The following MYO1F variants were observed in gnomAD, a reference collection of about 807,000 sequenced individuals.
MYO1F encodes the protein unconventional myosin-If.
Under a neutral mutation model 146.6 loss-of-function variants are expected in MYO1F, and 60 were observed. The ratio of observed to expected loss-of-function variants is 0.41; its 90% CI spans 0.33 to 0.51. MYO1F has a LOEUF of 0.51. MYO1F is among the 20% of genes least tolerant of loss of function. The probability of loss-of-function intolerance (pLI) is 0.25; values close to 1 mark genes in which losing one functional copy is unlikely to be tolerated. For missense variants in MYO1F, 1,274 were observed against 1,534.3 expected (o/e 0.83, Z 2.83); for synonymous variants, 602 against 602.1 (o/e 1.00, Z 0.00).
Position 8,526,443 on chromosome 19 carries a change from G to T in MYO1F, c.2770+10C>A. 6.4e-7 allele frequency: 1 copy of T among 1,552,740 alleles called. No homozygotes were observed. The highest frequency in any genetic ancestry group is 2.4e-5 in the East Asian group (1 of 41,486). On this transcript the variant is annotated intron_variant, in intron 24 of 27. Transcript: ENST00000644032. Reference sequence around the variant, plus strand: ...CCCGCCCCCTCTGCCCTAGTTCCGCGCAGACTCACTGGAGCTCTTGGGCAG... The same window carrying T: ...CCCGCCCCCTCTGCCCTAGTTCCGCTCAGACTCACTGGAGCTCTTGGGCAG...
intron 16 of MYO1F, among the ~76,000 whole-genome samples, chr19:8,537,921 CTG>C (rs941244145): frequency 6.7e-6 from 1 of 150,358 alleles, no homozygotes; most frequent in African/African-American, 2.4e-5. Context: ...GGTAGGGAAA[CTG>C]TGTGTATGCC....
intron 4 of MYO1F, 28 bp downstream of exon 4, chr19:8,554,449 G>A (rs369292088): frequency 6.4e-7 from 1 of 1,567,074 alleles, no homozygotes; most frequent in South Asian, 1.1e-5. Flanking sequence ...GGGCAGCAGG[G>A]TCTGTGGCCC....
At chr19:8,527,254 AGGGTAACAGACG>A in intron 22 of MYO1F, 72 bp downstream of exon 22, 2 of 1,576,106 alleles carry the variant, frequency 1.3e-6, no homozygotes, top group South Asian at 2.2e-5. Flanking sequence ...TAAGATTGTC[AGGGTAACAGACG>A]GGGTCACTAG....
Position 8,521,441 on chromosome 19 carries a change from G to C in MYO1F, c.*87C>G. ...TTAGGCTATTGCAGCCCAGGTAAAC[G>C]AGGCTCTCATTGGCAGGGCCTGGCT... On this transcript the variant is annotated 3_prime_UTR_variant, in exon 28 of 28. Transcript: ENST00000644032. 7.1e-7 allele frequency: 1 copy of C among 1,406,624 alleles called. No homozygotes were observed. The highest frequency in any genetic ancestry group is 1.0e-6 in the Non-Finnish European group (1 of 999,142). The allele number at this position is 1,406,624 out of a possible 1,614,324, so 87.1% of individuals were successfully genotyped here.
chr19:8,536,221 C>G, intron 19 of MYO1F, 31 bp downstream of exon 19: 1 of 1,600,834 alleles, frequency 6.2e-7, no homozygotes, highest in Non-Finnish European at 8.5e-7. Flanking sequence ...CTTCCCCTCT[C>G]CTTCTCTGCC....
At chr19:8,526,736 G>T in intron 23 of MYO1F, 53 bp downstream of exon 23, 2 of 1,550,072 alleles carry the variant, frequency 1.3e-6, no homozygotes, top group Non-Finnish European at 1.7e-6. Context: ...GCGGGAGAGG[G>T]TGCGCCGCGC....
Position 8,526,524 on chromosome 19 carries a change from T to G in MYO1F, c.2699A>C (p.Asp900Ala). 6.3e-7 allele frequency: 1 copy of G among 1,586,344 alleles called. No individual in the cohort carries two copies. Among genetic ancestry groups the G allele is most frequent in the Non-Finnish European group, 8.6e-7 (1 of 1,168,150 alleles). Reference sequence around the variant, plus strand: ...ACCGCCAACCTTGAGCACTGCCAAGTCGCCGAAGCCGCGGGAGAAGGTGAC... The same window carrying G: ...ACCGCCAACCTTGAGCACTGCCAAGGCGCCGAAGCCGCGGGAGAAGGTGAC... ...RSVTFSRGFG[D>A]LAVLKVGGRT... The change falls in exon 24 of 28, where the codon GAC becomes GCC. Residue 900 changes from aspartate (D) to alanine (A), a missense_variant. Transcript: ENST00000644032.
intron 1 of MYO1F, among the ~76,000 whole-genome samples, chr19:8,565,859 TG>T (rs535947077): frequency 2.2e-3 from 340 of 151,442 alleles, no homozygotes; most frequent in Non-Finnish European, 3.6e-3. Flanking sequence ...GAGGCTGAGG[TG>T]GAAGGATCAC....
intron 1 of MYO1F, among the ~76,000 whole-genome samples, chr19:8,565,069 G>A (rs938102402): frequency 3.9e-5 from 6 of 151,964 alleles, no homozygotes; most frequent in Non-Finnish European, 7.4e-5. Flanking sequence ...CACTGTGTCC[G>A]GCCAGAGACA....
rs1021468321 is a variant in MYO1F, at chr19:8,527,080, A to T, written c.2475-145T>A. 2.6e-6 allele frequency: 3 copies of T among 1,172,222 alleles called. No individual in the cohort carries two copies. In the African/African-American group the frequency reaches 4.6e-5, roughly 18 times the overall value. The allele number at this position is 1,172,222 out of a possible 1,614,324, so 72.6% of individuals were successfully genotyped here. Reference sequence around the variant, plus strand: ...GTGACCAGGTAGGAGAAAAAGGGGGATGTGGCAAGGAGTGGAAGAGGTGGT... The same window carrying T: ...GTGACCAGGTAGGAGAAAAAGGGGGTTGTGGCAAGGAGTGGAAGAGGTGGT... On this transcript the variant is annotated intron_variant, in intron 22 of 27. Coordinates refer to ENST00000644032, the MANE Select transcript of MYO1F (RefSeq NM_012335.4).
intron 1 of MYO1F, among the ~76,000 whole-genome samples, chr19:8,568,517 C>T (rs186789321): frequency 7.3e-5 from 11 of 149,978 alleles, no homozygotes; most frequent in African/African-American, 4.9e-5. Context: ...GGAGGATAGT[C>T]GAGAATTTTG....
In MYO1F at chr19:8,536,004, G is replaced by A. The variant is rs968145858; in HGVS notation, c.2043+248C>T. Among the ~76,000 whole-genome samples, 1 of 151,710 alleles carries A rather than the reference G, an allele frequency of 6.6e-6. No individual in the cohort carries two copies. Among genetic ancestry groups the A allele is most frequent in the African/African-American group, 2.4e-5 (1 of 41,286 alleles). ...CAGTCGCAGTCTTTCTTAATCTCTC[G>A]CTCAGTCTCTCTCAGTCTCTTACTT... On this transcript the variant is annotated intron_variant, in intron 19 of 27. Transcript: ENST00000644032.
At chr19:8,562,430 C>T (rs745628377) in intron 1 of MYO1F, among the ~76,000 whole-genome samples, 1 of 152,162 alleles carries the variant, frequency 6.6e-6, no homozygotes, top group Non-Finnish European at 1.5e-5. Flanking sequence ...GCCTTGACCT[C>T]CTGAGTAGCT....
At chr19:8,553,562 T>C in intron 4 of MYO1F, 125 bp from the exon 5 acceptor site, 1 of 770,212 alleles carries the variant, frequency 1.3e-6, no homozygotes, top group Non-Finnish European at 2.2e-6. Context: ...GATACTGTAA[T>C]GAACAAGACA....
chr19:8,550,394 G>T (rs764990269), intron 9 of MYO1F, 38 bp from the exon 10 acceptor site: 4 of 1,594,154 alleles, frequency 2.5e-6, no homozygotes, highest in East Asian at 2.3e-5. Flanking sequence ...TGGGACAGTT[G>T]GTTGGGCTCT....
chr19:8,567,653 A>G (rs1221749754), intron 1 of MYO1F, among the ~76,000 whole-genome samples: 1 of 152,192 alleles, frequency 6.6e-6, no homozygotes, highest in Non-Finnish European at 1.5e-5. Flanking sequence ...CACCGCACCC[A>G]TCCTGGGTCC....
intron 21 of MYO1F, among the ~76,000 whole-genome samples, chr19:8,528,852 A>T (rs999711716): frequency 6.6e-6 from 1 of 151,996 alleles, no homozygotes; most frequent in African/African-American, 2.4e-5. Context: ...GTGTATCTGA[A>T]CTCTATGAGT....
Position 8,521,522 on chromosome 19 carries a change from C to G in MYO1F, c.*6G>C, listed in dbSNP as rs764689507. 1 of 1,613,712 alleles carries G rather than the reference C, an allele frequency of 6.2e-7. No individual in the cohort carries two copies. Among genetic ancestry groups the G allele is most frequent in the Non-Finnish European group, 8.5e-7 (1 of 1,179,878 alleles). On this transcript the variant is annotated 3_prime_UTR_variant, in exon 28 of 28. Transcript: ENST00000644032. ...CGAAAGAGAAGGCAGTATCCCAGGG[C>G]CCAGCTCAGATCTTCTCCACGTAGT...
In MYO1F at chr19:8,555,801, G is replaced by A. The variant is rs759106961; in HGVS notation, c.4-5C>T. The A allele has an allele frequency of 6.2e-7, 1 of 1,610,730 alleles. No homozygotes were observed. The highest frequency in any genetic ancestry group is 1.1e-5 in the South Asian group (1 of 91,054). ...GTGGAAGCGCTCCTTGCTGCCCTGG[G>A]GGGTGAGAGGGGGGTCGGGGTGAGC... On this transcript the variant is annotated splice_region_variant and splice_polypyrimidine_tract_variant and intron_variant, in intron 1 of 27. Transcript: ENST00000644032.
Sources: gnomAD v4.1 joint callset for allele counts (sites outside exome capture counted in the v4.1 genomes callset) on GRCh38, gnomAD v4.1.1 for gene constraint, MANE v1.5 for transcripts, NCBI Gene and HGNC (gene_info 2026-07-23, HGNC 2026-07-21) for gene names.